The following AMDHD2 variants were observed in gnomAD, a reference collection of about 807,000 sequenced individuals.
The protein encoded by AMDHD2 is N-acetylglucosamine-6-phosphate deacetylase.
A neutral mutation model predicts 41.8 loss-of-function variants in AMDHD2; 24 were observed. The observed-to-expected ratio is 0.57, with a 90% CI of 0.42 to 0.81. The LOEUF (loss-of-function observed/expected upper bound fraction) is 0.81. Among genes scored for constraint, AMDHD2 ranks in the 30% least tolerant of loss-of-function variants. The probability of loss-of-function intolerance (pLI) is 0.00; values close to 1 mark genes in which losing one functional copy is unlikely to be tolerated. For synonymous variants in AMDHD2, 332 were observed against 255.5 expected (o/e 1.30, Z -2.85); for missense variants, 540 against 588.5 (o/e 0.92, Z 0.85).
Position 2,527,949 on chromosome 16 carries a change from C to G in AMDHD2, c.592C>G (p.Arg198Gly). Residue 198 changes from arginine (R) to glycine (G), a missense_variant, in exon 5 of 11, where the codon CGG (arginine) becomes GGG (glycine). Transcript: ENST00000293971. The surrounding 1 kb of genome is among the most constrained non-coding windows in gnomAD (Gnocchi z 6.1). ...PELGRSHEVI[R>G]ALTARGICVS... ...GTTGGGCCGTAGCCACGAAGTGATC[C>G]GGGCGCTGACGGCCCGTGGCATCTG... 4 of 1,600,760 alleles carry G rather than the reference C, an allele frequency of 2.5e-6. No individual in the cohort carries two copies. Among genetic ancestry groups the G allele is most frequent in the Middle Eastern group, 1.7e-4 (1 of 6,056 alleles).
chr16:2,521,988 G>A (rs1037297113), intron 3 of AMDHD2, among the ~76,000 whole-genome samples: 2 of 152,024 alleles, frequency 1.3e-5, no homozygotes, highest in African/African-American at 2.4e-5. Context: ...GTTTCACCGT[G>A]TTAGCCAGGA....
At position 2,520,394 on chromosome 16, in the gene AMDHD2, G is replaced by A. The variant is rs2065914947; in HGVS notation, c.-65G>A. 2.5e-6 allele frequency: 3 copies of A among 1,196,626 alleles called. No individual in the cohort carries two copies. The highest frequency in any genetic ancestry group is 3.1e-6 in the Non-Finnish European group (3 of 958,436). 74.1% of individuals were successfully genotyped at this position (1,196,626 alleles called of 1,614,324 possible). On this transcript the variant is annotated 5_prime_UTR_variant, in exon 1 of 11. Coordinates refer to ENST00000293971, the MANE Select transcript of AMDHD2 (RefSeq NM_001330449.2). ...CGGTCTCAGCTCTCGGCTGGGGTTCGTCACTGGGCGCGGGATTTGGCCGCC... is the reference window on the plus strand; with the variant it reads ...CGGTCTCAGCTCTCGGCTGGGGTTCATCACTGGGCGCGGGATTTGGCCGCC...
rs767357532 is a variant in AMDHD2 at position 2,527,577 on chromosome 16, C to T, written c.377C>T (p.Pro126Leu). ...EVYHKVVPQI[P>L]VKSGGPHGAG... ...TCCCCCCAGGTTGTTCCTCAGATCC[C>T]TGTGAAGAGTGGTGGTCCCCATGGG... Residue 126 changes from proline (P) to leucine (L), a missense_variant, in exon 4 of 11, where the codon CCT (proline) becomes CTT (leucine). Transcript: ENST00000293971. The surrounding 1 kb of genome is among the most constrained non-coding windows in gnomAD (Gnocchi z 6.1). 3 of 1,613,208 alleles carry T rather than the reference C, an allele frequency of 1.9e-6. No individual in the cohort carries two copies. The Admixed American group carries it at 5.0e-5, about 27-fold the overall frequency.
rs1161797392 is a variant in AMDHD2 at position 2,528,986 on chromosome 16, C to T, written c.1040-8C>T. 23 of 1,569,044 alleles carry T rather than the reference C, an allele frequency of 1.5e-5. No homozygotes were observed. The highest frequency in any genetic ancestry group is 2.0e-5 in the Non-Finnish European group (23 of 1,158,320). On this transcript the variant is annotated splice_region_variant and splice_polypyrimidine_tract_variant and intron_variant, in intron 9 of 10. Transcript: ENST00000293971. ...GGGGACTGTCACCTAGCTGTGTCCC[C>T]CAAGCAGGCTGCAGCATGGAGTCGG... is the stretch of plus-strand genomic sequence containing the variant.
Position 2,529,850 on chromosome 16 carries a change from T to C in AMDHD2, c.*287T>C. The C allele has an allele frequency of 2.2e-6, 3 of 1,359,060 alleles. No individual in the cohort carries two copies. The highest frequency in any genetic ancestry group is 2.9e-6 in the Non-Finnish European group (3 of 1,035,230). The allele number at this position is 1,359,060 out of a possible 1,614,324, so 84.2% of individuals were successfully genotyped here. A position where few individuals can be genotyped will look rare whatever the true frequency, so the allele number is the denominator to read the frequency against. ...CTGGGCTGTAGTTTAGCCTGGGCCTTGGGCCCCAGTGGGGGACAGGGCCTG... is the reference window on the plus strand; with the variant it reads ...CTGGGCTGTAGTTTAGCCTGGGCCTCGGGCCCCAGTGGGGGACAGGGCCTG... On this transcript the variant is annotated 3_prime_UTR_variant, in exon 11 of 11. Transcript: ENST00000293971.
At position 2,528,619 on chromosome 16, in the gene AMDHD2, C is replaced by A. The variant is rs749967116; in HGVS notation, c.971-31C>A. The stretch of plus-strand genomic sequence containing the variant: ...GCCCGCATGCCAGGTGGCCCACGAC[C>A]CCCCCAGAGCCTGCCCTCTCTGCTC... On this transcript the variant is annotated intron_variant, in intron 8 of 10. Coordinates refer to ENST00000293971, the MANE Select transcript of AMDHD2 (RefSeq NM_001330449.2). The A allele has an allele frequency of 1.1e-5, 17 of 1,612,936 alleles. 1 individual carries two copies. Among genetic ancestry groups the A allele is most frequent in the South Asian group, 9.9e-5 (9 of 91,082 alleles).
rs1259958932 is a variant in AMDHD2, at chr16:2,530,476, T to C, written c.*913T>C. 1 of 1,614,092 alleles carries C rather than the reference T, an allele frequency of 6.2e-7. No homozygotes were observed. The highest frequency in any genetic ancestry group is 8.5e-7 in the Non-Finnish European group (1 of 1,179,984). Reference sequence around the variant, plus strand: ...CTCTTGGCTCTGAGGACAGCCACAGTGGGGTCAGACGTCAGGGATTGGTGC... The same window carrying C: ...CTCTTGGCTCTGAGGACAGCCACAGCGGGGTCAGACGTCAGGGATTGGTGC... On this transcript the variant is annotated 3_prime_UTR_variant, in exon 11 of 11. Transcript: ENST00000293971.
chr16:2,521,602 G>C (rs1314122165), intron 3 of AMDHD2, among the ~76,000 whole-genome samples: 1 of 151,986 alleles, frequency 6.6e-6, no homozygotes, highest in African/African-American at 2.4e-5. Flanking sequence ...TTTCCTGCCC[G>C]GAAGAAATTT....
At position 2,530,999 on chromosome 16, in the gene AMDHD2, G is replaced by A. The variant is rs1449056521; in HGVS notation, c.*1436G>A. ...TCCCAGGCAGGGAGAGGCAGGTGAG[G>A]TTCTCAGCCGATGTGTTAGAGGTTG... On this transcript the variant is annotated 3_prime_UTR_variant, in exon 11 of 11. Coordinates refer to ENST00000293971, the MANE Select transcript of AMDHD2 (RefSeq NM_001330449.2). 5.0e-6 allele frequency: 8 copies of A among 1,612,698 alleles called. No individual in the cohort carries two copies. Among genetic ancestry groups the A allele is most frequent in the Non-Finnish European group, 5.9e-6 (7 of 1,179,628 alleles).
chr16:2,529,820 G>A lies in AMDHD2; in HGVS notation c.*257G>A. On this transcript the variant is annotated 3_prime_UTR_variant, in exon 11 of 11. Coordinates refer to ENST00000293971, the MANE Select transcript of AMDHD2 (RefSeq NM_001330449.2). ...AGAAGGCATTCACGGCCTGGGGTGG[G>A]ATGGCTGGGCTGTAGTTTAGCCTGG... The A allele has an allele frequency of 7.0e-7, 1 of 1,425,822 alleles. No homozygotes were observed. Among genetic ancestry groups the A allele is most frequent in the Admixed American group, 2.9e-5 (1 of 35,048 alleles). 88.3% of individuals were successfully genotyped at this position (1,425,822 alleles called of 1,614,324 possible). A position where few individuals can be genotyped will look rare whatever the true frequency, so the allele number is the denominator to read the frequency against.
intron 10 of AMDHD2, 159 bp downstream of exon 10, chr16:2,529,254 C>G (rs953136976): frequency 8.6e-6 from 9 of 1,046,734 alleles, no homozygotes; most frequent in Non-Finnish European, 1.2e-5. Flanking sequence ...CCCCGTGTTG[C>G]CATCAGGCCG....
At chr16:2,521,781 G>GTTTTTTT (rs57701626) in intron 3 of AMDHD2, among the ~76,000 whole-genome samples, 4 of 111,572 alleles carry the variant, frequency 3.6e-5, no homozygotes, top group Non-Finnish European at 5.4e-5. Flanking sequence ...TTTTTGTTTA[G>GTTTTTTT]TTTTTTTTTT....
chr16:2,521,599 C>T (rs1046571172), intron 3 of AMDHD2, among the ~76,000 whole-genome samples: 1 of 152,110 alleles, frequency 6.6e-6, no homozygotes, highest in Admixed American at 6.5e-5. Flanking sequence ...TTCTTTCCTG[C>T]CCGGAAGAAA....
In AMDHD2 at chr16:2,529,615, C is replaced by G; in HGVS notation, c.*52C>G. On this transcript the variant is annotated 3_prime_UTR_variant, in exon 11 of 11. Transcript: ENST00000293971. ...GGCCGCAGCGGGATGCCATCAGGGC[C>G]GGGTGGTTGGGGAGCTGGTCTCCAG... The G allele has an allele frequency of 6.3e-7, 1 of 1,599,618 alleles. No homozygotes were observed. The highest frequency in any genetic ancestry group is 8.5e-7 in the Non-Finnish European group (1 of 1,178,796).
chr16:2,527,464 G>T lies in AMDHD2; in HGVS notation c.361-97G>T. 7.2e-7 allele frequency: 1 copy of T among 1,379,994 alleles called. No individual in the cohort carries two copies. The allele number at this position is 1,379,994 out of a possible 1,614,324, so 85.5% of individuals were successfully genotyped here. A position where few individuals can be genotyped will look rare whatever the true frequency, so the allele number is the denominator to read the frequency against. On this transcript the variant is annotated intron_variant, in intron 3 of 10. Coordinates refer to ENST00000293971, the MANE Select transcript of AMDHD2 (RefSeq NM_001330449.2). The surrounding 1 kb of genome is among the most constrained non-coding windows in gnomAD (Gnocchi z 6.1). ...CGGCCGGGGCTGGGCTGGGTGCTGG[G>T]CTCTGAACTCTGACCTGAGATCTCT...
In AMDHD2 at chr16:2,520,503, C is replaced by G; in HGVS notation, c.45C>G (p.Phe15Leu). Residue 15 changes from phenylalanine (F) to leucine (L), a missense_variant, in exon 1 of 11, where the codon TTC becomes TTG. Transcript: ENST00000293971. ...CGGCGGGGGCCCGCGTGCTCCAGTT[C>G]ACTAACTGCCGGATCCTGCGCGGAG... is the stretch of plus-strand genomic sequence containing the variant. Reference protein sequence around the residue: ...QGAAGARVLQFTNCRILRGGK... With the variant: ...QGAAGARVLQLTNCRILRGGK... The G allele has an allele frequency of 8.1e-7, 1 of 1,234,090 alleles. No homozygotes were observed. The highest frequency in any genetic ancestry group is 1.0e-6 in the Non-Finnish European group (1 of 982,228). The allele number at this position is 1,234,090 out of a possible 1,614,324, so 76.4% of individuals were successfully genotyped here.
At position 2,528,114 on chromosome 16, in the gene AMDHD2, CCTT is replaced by C. The variant is rs771431477; in HGVS notation, c.685_687del (p.Phe229del). The C allele has an allele frequency of 6.2e-7, 1 of 1,613,110 alleles. No individual in the cohort carries two copies. The highest frequency in any genetic ancestry group is 8.5e-7 in the Non-Finnish European group (1 of 1,179,872). On this transcript the variant is annotated inframe_deletion, in exon 6 of 11. Coordinates refer to ENST00000293971, the MANE Select transcript of AMDHD2 (RefSeq NM_001330449.2). The stretch of plus-strand genomic sequence containing the variant: ...GAGGATGCTGTGTGGAGCGGAGCCA[CCTT>C]CATCACCCACCTCTTCAACGCCATG...
In AMDHD2 at chr16:2,529,014, C is replaced by A; in HGVS notation, c.1060C>A (p.Leu354Met). Residue 354 changes from leucine to methionine, a missense_variant, in exon 10 of 11, where the codon CTG (leucine) becomes ATG (methionine). Coordinates refer to ENST00000293971, the MANE Select transcript of AMDHD2 (RefSeq NM_001330449.2). ...QATGCSMESALEAASLHPAQL... is the reference protein window; with the variant it reads ...QATGCSMESAMEAASLHPAQL... ...AGCAGGCTGCAGCATGGAGTCGGCC[C>A]TGGAGGCTGCATCCCTGCACCCCGC... 1 of 1,590,234 alleles carries A rather than the reference C, an allele frequency of 6.3e-7. No homozygotes were observed. The highest frequency in any genetic ancestry group is 8.6e-7 in the Non-Finnish European group (1 of 1,169,066).
chr16:2,530,217 TTTCTC>T lies in AMDHD2; in HGVS notation c.*660_*664del, dbSNP rs749341408. ...GTGCCACGGATGACCAGCGTTCTGT[TTTCTC>T]TTCTCAATAACCCTATCTCTTCACA... On this transcript the variant is annotated 3_prime_UTR_variant, in exon 11 of 11. Transcript: ENST00000293971. 64 of 1,547,196 alleles carry T rather than the reference TTTCTC, an allele frequency of 4.1e-5. No homozygotes were observed. The Admixed American group carries it at 5.8e-4, about 14-fold the overall frequency.
Sources: gnomAD v4.1 joint callset for allele counts (sites outside exome capture counted in the v4.1 genomes callset) on GRCh38, gnomAD v4.1.1 for gene constraint, Gnocchi (gnomAD v3.1) non-coding constraint, MANE v1.5 for transcripts, NCBI Gene and HGNC (gene_info 2026-07-23, HGNC 2026-07-21) for gene names.